The following FOXP1 variants were observed in gnomAD, a reference collection of about 807,000 sequenced individuals.
FOXP1 encodes the protein forkhead box P1.
Under a neutral mutation model 98.2 loss-of-function variants are expected in FOXP1, and 15 were observed. The ratio of observed to expected loss-of-function variants is 0.15; its 90% CI spans 0.10 to 0.24. The LOEUF (loss-of-function observed/expected upper bound fraction) is 0.24, where lower values mean the gene tolerates loss of function less well. Among genes scored for constraint, FOXP1 ranks in the 10% least tolerant of loss-of-function variants. The pLI is 1.00. For missense variants in FOXP1, 633 were observed against 848.5 expected, an observed-to-expected ratio of 0.75 and a Z score of 3.15; for synonymous variants, 371 against 314.5, an observed-to-expected ratio of 1.18 and a Z score of -1.90.
chr3:70,980,387 G>A (rs547728107), intron 14 of FOXP1, among the ~76,000 whole-genome samples: 1 of 152,230 alleles, frequency 6.6e-6, no homozygotes, highest in African/African-American at 2.4e-5. Context: ...GAAAGTCATG[G>A]GTAACATTTG....
chr3:71,156,762 G>A (rs1318407707), intron 6 of FOXP1, among the ~76,000 whole-genome samples: 2 of 152,116 alleles, frequency 1.3e-5, no homozygotes. Flanking sequence ...TTTTTGAAAT[G>A]GGCAAAAAAG....
chr3:71,404,269 A>G (rs776370307), intron 3 of FOXP1, among the ~76,000 whole-genome samples: 5 of 151,312 alleles, frequency 3.3e-5, no homozygotes, highest in Admixed American at 6.6e-5. Context: ...CTGGGATTAT[A>G]GACATGCACC....
In FOXP1 at chr3:71,069,838, T is replaced by C. The variant is rs575344403; in HGVS notation, c.283-16065A>G. 4.6e-5 allele frequency among the ~76,000 whole-genome samples: 7 copies of C among 152,298 alleles called. 1 individual carries two copies. In the South Asian group the frequency reaches 1.5e-3, roughly 32 times the overall value. On this transcript the variant is annotated intron_variant, in intron 7 of 20. Transcript: ENST00000649528. ...TTACTTATGTAGAAATCGCTGAATA[T>C]CAGATAAAGGCAACTGACCACCTTT...
Position 71,218,302 on chromosome 3 carries a change from G to A in FOXP1, c.-11-19910C>T, listed in dbSNP as rs142614429. On this transcript the variant is annotated intron_variant, in intron 5 of 20. Coordinates refer to ENST00000649528, the MANE Select transcript of FOXP1 (RefSeq NM_001349338.3). ...TGATGGTAACTCCAATGAGTTTCCA[G>A]GTGCTAAATTCAAAAGAGAGTTTTC... 5.8e-4 allele frequency among the ~76,000 whole-genome samples: 89 copies of A among 152,284 alleles called. No homozygotes were observed. In the East Asian group the frequency reaches 0.016, roughly 28 times the overall value.
chr3:70,971,048 A>G, intron 18 of FOXP1: 1 of 491,832 alleles, frequency 2.0e-6, no homozygotes, highest in Non-Finnish European at 3.7e-6. Context: ...AGGTAGTAAC[A>G]GGCTTGGGTC....
Position 71,459,931 on chromosome 3 carries a change from C to CGTTTTTTTTTTT in FOXP1, c.-168+33494_-168+33495insAAAAAAAAAAAC, listed in dbSNP as rs1334419290. On this transcript the variant is annotated intron_variant, in intron 3 of 20. Coordinates refer to ENST00000649528, the MANE Select transcript of FOXP1 (RefSeq NM_001349338.3). ...AAAATAATATATCAGGCCCCATCTT[C>CGTTTTTTTTTTT]TTTTTTTTTTTTCTTTTTTTAAGAT... Among the ~76,000 whole-genome samples the CGTTTTTTTTTTT allele has an allele frequency of 3.6e-5, 5 of 137,028 alleles. 2 individuals carry two copies. The highest frequency in any genetic ancestry group is 5.2e-5 in the African/African-American group (2 of 38,396). The allele number at this position is 137,028 out of a possible 152,430, so 89.9% of individuals were successfully genotyped here.
intron 7 of FOXP1, among the ~76,000 whole-genome samples, chr3:71,072,631 T>C (rs2053386126): frequency 6.6e-6 from 1 of 152,178 alleles, no homozygotes; most frequent in South Asian, 2.1e-4. Flanking sequence ...TCTAAACATA[T>C]TTATGTTTTT....
chr3:70,979,044 A>C (rs2038201674), intron 14 of FOXP1, among the ~76,000 whole-genome samples: 1 of 152,078 alleles, frequency 6.6e-6, no homozygotes, highest in South Asian at 2.1e-4. Flanking sequence ...AGGTGGGAGG[A>C]TCTCTTGAGG....
At chr3:71,202,919 T>C (rs895468193) in intron 5 of FOXP1, among the ~76,000 whole-genome samples, 3 of 152,194 alleles carry the variant, frequency 2.0e-5, no homozygotes, top group Admixed American at 6.5e-5. Flanking sequence ...TCAAGGGACG[T>C]TGCACCCTCT....
At chr3:70,978,801 C>G (rs1397517188) in intron 14 of FOXP1, among the ~76,000 whole-genome samples, 1 of 152,184 alleles carries the variant, frequency 6.6e-6, no homozygotes, top group East Asian at 1.9e-4. Context: ...TTAAATCTAT[C>G]AAATACAGGC....
chr3:71,208,708 A>C (rs979333080), intron 5 of FOXP1, among the ~76,000 whole-genome samples: 1 of 152,162 alleles, frequency 6.6e-6, no homozygotes, highest in Non-Finnish European at 1.5e-5. Flanking sequence ...TTACAAGAGC[A>C]ATTTAACATT....
chr3:71,229,822 A>C (rs529943032), intron 5 of FOXP1, among the ~76,000 whole-genome samples: 21 of 152,346 alleles, frequency 1.4e-4, no homozygotes, highest in African/African-American at 4.6e-4. Context: ...CTAGTAAACA[A>C]CAACAACAAC....
At chr3:71,032,303 C>A (rs2046981968) in intron 11 of FOXP1, among the ~76,000 whole-genome samples, 1 of 152,190 alleles carries the variant, frequency 6.6e-6, no homozygotes, top group African/African-American at 2.4e-5. Flanking sequence ...CACTGAGGAG[C>A]CCAACAGGAT....
intron 6 of FOXP1, among the ~76,000 whole-genome samples, chr3:71,170,506 G>A (rs1045932904): frequency 6.6e-6 from 1 of 152,182 alleles, no homozygotes; most frequent in South Asian, 2.1e-4. Context: ...ATGTAGACAA[G>A]TGCACACTAA....
chr3:71,179,700 TACA>T, intron 6 of FOXP1, among the ~76,000 whole-genome samples: 1 of 152,296 alleles, frequency 6.6e-6, no homozygotes, highest in East Asian at 1.9e-4. Context: ...AGAATACAAA[TACA>T]TAAAATGAGA....
chr3:71,187,457 T>A (rs1007921102), intron 6 of FOXP1, among the ~76,000 whole-genome samples: 3 of 151,912 alleles, frequency 2.0e-5, no homozygotes, highest in Non-Finnish European at 4.4e-5. Flanking sequence ...GTGGCGCACA[T>A]CTGAAATCCC....
chr3:71,467,669 C>T (rs2088913473), intron 3 of FOXP1, among the ~76,000 whole-genome samples: 1 of 152,174 alleles, frequency 6.6e-6, no homozygotes, highest in Non-Finnish European at 1.5e-5. Context: ...GCAACAATGA[C>T]AAAGACTGCC....
chr3:71,469,452 G>T (rs745568323), intron 3 of FOXP1, among the ~76,000 whole-genome samples: 1 of 152,186 alleles, frequency 6.6e-6, no homozygotes, highest in African/African-American at 2.4e-5. Context: ...TCACCTTCTT[G>T]TAAAGCCAGT....
At chr3:71,393,948 G>T (rs1257854472) in intron 3 of FOXP1, among the ~76,000 whole-genome samples, 1 of 152,118 alleles carries the variant, frequency 6.6e-6, no homozygotes, top group Non-Finnish European at 1.5e-5. Context: ...TCCAGCCTCG[G>T]CCTCCCAAAG....
Sources: allele counts gnomAD v4.1 joint callset (sites outside exome capture counted in the v4.1 genomes callset), GRCh38; gene constraint gnomAD v4.1.1; transcripts MANE v1.5; gene names NCBI Gene and HGNC (gene_info 2026-07-23, HGNC 2026-07-21).